Variants in LRBA observed in about 807,000 individuals in gnomAD.
LRBA encodes the protein LPS responsive beige-like anchor protein.
A neutral mutation model predicts 330.0 loss-of-function variants in LRBA; 176 were observed. The observed-to-expected ratio is 0.53, with a 90% CI of 0.47 to 0.60. The LOEUF is 0.60. Ranked by LOEUF, LRBA falls within the 20% of genes least tolerant of loss-of-function variation. The pLI, the probability that LRBA is intolerant of heterozygous loss-of-function variation, is 0.00. For synonymous variants in LRBA, 1,230 were observed against 1,193.0 expected (o/e 1.03, Z -0.64); for missense variants, 3,259 against 3,444.8 (o/e 0.95, Z 1.35).
rs1413966423 is a variant in LRBA at position 150,415,457 on chromosome 4, A to C, written c.7175T>G (p.Phe2392Cys). ...LPPWAKTSEE[F>C]VHINRLALES... is the part of the protein sequence containing the mutation. ...TCTTACCAATCTGTTTATGTGAACAAATTCTTCTGAGGTTTTGGCCCAAGG... is the reference window on the plus strand; with the variant it reads ...TCTTACCAATCTGTTTATGTGAACACATTCTTCTGAGGTTTTGGCCCAAGG... Residue 2392 changes from phenylalanine to cysteine, a missense_variant, in exon 47 of 57, where the codon TTT becomes TGT. By Grantham distance (205) the Phe-to-Cys change is radical. Transcript: ENST00000651943. 2 of 1,613,436 alleles carry C rather than the reference A, an allele frequency of 1.2e-6. No homozygotes were observed. Among genetic ancestry groups the C allele is most frequent in the Non-Finnish European group, 1.7e-6 (2 of 1,179,728 alleles).
At chr4:150,724,139 T>C (rs1388648526) in intron 36 of LRBA, among the ~76,000 whole-genome samples, 1 of 152,142 alleles carries the variant, frequency 6.6e-6, no homozygotes, top group Admixed American at 6.6e-5. Context: ...CTCACGGCCC[T>C]GAAGGGAAGA....
chr4:150,731,920 G>A (rs928586541), intron 36 of LRBA, among the ~76,000 whole-genome samples: 5 of 152,100 alleles, frequency 3.3e-5, no homozygotes, highest in Admixed American at 1.3e-4. Context: ...TGATTATTAT[G>A]CACTGCATTC....
intron 37 of LRBA, among the ~76,000 whole-genome samples, chr4:150,606,301 T>C (rs1340840083): frequency 1.3e-5 from 2 of 152,054 alleles, no homozygotes; most frequent in African/African-American, 4.8e-5. Context: ...AAAAGACATC[T>C]AGGAAAAAAA....
At chr4:150,391,430 G>A (rs1233233610) in intron 47 of LRBA, among the ~76,000 whole-genome samples, 1 of 152,192 alleles carries the variant, frequency 6.6e-6, no homozygotes, top group Non-Finnish European at 1.5e-5. Context: ...GAGAAACAGA[G>A]TATGTGGGCA....
chr4:150,323,031 G>GCATT (rs1732762073), intron 49 of LRBA, among the ~76,000 whole-genome samples: 1 of 151,694 alleles, frequency 6.6e-6, no homozygotes, highest in South Asian at 2.1e-4. Context: ...GTGTGGGGAT[G>GCATT]CATTGATGGT....
chr4:150,900,124 T>C lies in LRBA; in HGVS notation c.1849A>G (p.Ile617Val). Reference protein sequence around the residue: ...TIRRVGTVLLIMHTLKYYYWA... With the variant: ...TIRRVGTVLLVMHTLKYYYWA... ...TAGTAGTACTTCAGCGTGTGCATGA[T>C]GAGAAGCACTGTTCCAACTCTCCGA... Residue 617 changes from isoleucine (I) to valine (V), a missense_variant, in exon 14 of 57, where the codon ATC becomes GTC. Coordinates refer to ENST00000651943, the MANE Select transcript of LRBA (RefSeq NM_001364905.1). The C allele has an allele frequency of 6.2e-7, 1 of 1,612,832 alleles. No homozygotes were observed. Among genetic ancestry groups the C allele is most frequent in the South Asian group, 1.1e-5 (1 of 91,054 alleles).
intron 37 of LRBA, among the ~76,000 whole-genome samples, chr4:150,672,073 T>A (rs185353694): frequency 1.7e-3 from 264 of 152,308 alleles, no homozygotes; most frequent in Admixed American, 2.9e-3. Flanking sequence ...ATTTTGTTAG[T>A]CAAAAGCAAT....
chr4:151,008,958 AG>A (rs1744447333), intron 2 of LRBA, among the ~76,000 whole-genome samples: 6 of 106,036 alleles, frequency 5.7e-5, no homozygotes, highest in Admixed American at 1.1e-4. Context: ...TGGCAGAGTG[AG>A]ACTCCATCTC....
intron 14 of LRBA, among the ~76,000 whole-genome samples, chr4:150,898,739 A>T (rs919524657): frequency 6.6e-6 from 1 of 152,240 alleles, no homozygotes; most frequent in Middle Eastern, 3.4e-3. Flanking sequence ...GTCACTAATC[A>T]GTTATAAAAG....
At chr4:150,839,598 G>A (rs936943694) in intron 28 of LRBA, among the ~76,000 whole-genome samples, 37 of 152,182 alleles carry the variant, frequency 2.4e-4, no homozygotes, top group Admixed American at 1.0e-3. Flanking sequence ...GGACATGGAT[G>A]AAGCTGGAAA....
rs562938295 is a variant in LRBA at position 150,975,533 on chromosome 4, C to CA, written c.216+38893dup. Among the ~76,000 whole-genome samples, 719 of 77,852 alleles carry CA rather than the reference C, an allele frequency of 9.2e-3. 7 individuals are homozygous for CA. Among genetic ancestry groups the CA allele is most frequent in the Admixed American group, 0.062 (413 of 6,658 alleles). 51.1% of individuals were successfully genotyped at this position (77,852 alleles called of 152,430 possible). A position where few individuals can be genotyped will look rare whatever the true frequency, so the allele number is the denominator to read the frequency against. On this transcript the variant is annotated intron_variant, in intron 2 of 56. Coordinates refer to ENST00000651943, the MANE Select transcript of LRBA (RefSeq NM_001364905.1). ...AGAGTGAGACTGTGAGACTCTATCT[C>CA]AAAAAAAAAAAAAAGAAAGAAAGAA...
intron 47 of LRBA, among the ~76,000 whole-genome samples, chr4:150,412,539 C>T (rs765371687): frequency 1.3e-5 from 2 of 152,192 alleles, no homozygotes; most frequent in Non-Finnish European, 2.9e-5. Context: ...GTCAAGAGAG[C>T]GGCTTGCCTT....
chr4:150,305,709 A>G (rs1730276549), intron 52 of LRBA, among the ~76,000 whole-genome samples: 1 of 152,230 alleles, frequency 6.6e-6, no homozygotes, highest in African/African-American at 2.4e-5. Context: ...GTTACATCTA[A>G]AGGGTTTTAT....
At chr4:150,867,612 A>G in intron 22 of LRBA, 59 bp downstream of exon 22, 3 of 1,378,798 alleles carry the variant, frequency 2.2e-6, no homozygotes, top group South Asian at 1.6e-5. Flanking sequence ...TTAAATGACT[A>G]AAATTCAAAA....
At chr4:150,515,838 G>A (rs1319474473) in intron 40 of LRBA, among the ~76,000 whole-genome samples, 7 of 151,860 alleles carry the variant, frequency 4.6e-5, no homozygotes, top group Non-Finnish European at 1.0e-4. Flanking sequence ...ACACACTTAG[G>A]AATAATTTTA....
intron 39 of LRBA, 53 bp downstream of exon 39, chr4:150,590,660 T>A (rs1210055143): frequency 6.5e-7 from 1 of 1,537,704 alleles, no homozygotes; most frequent in Non-Finnish European, 8.9e-7. Context: ...TAAGTAATTA[T>A]ATGCTTATTG....
intron 2 of LRBA, among the ~76,000 whole-genome samples, chr4:150,982,527 A>G (rs1740958691): frequency 6.6e-6 from 1 of 152,022 alleles, no homozygotes; most frequent in Non-Finnish European, 1.5e-5. Flanking sequence ...AACTGTCAGT[A>G]AACTCCCTGT....
chr4:150,822,432 G>C (rs1745574430), intron 30 of LRBA, among the ~76,000 whole-genome samples: 1 of 152,046 alleles, frequency 6.6e-6, no homozygotes, highest in African/African-American at 2.4e-5. Context: ...ACATATTTCT[G>C]GGTACTCAAT....
At chr4:150,808,446 T>C (rs954683965) in intron 31 of LRBA, 48 bp from the exon 32 acceptor site, 1 of 1,042,066 alleles carries the variant, frequency 9.6e-7, no homozygotes, top group Non-Finnish European at 1.5e-6. Flanking sequence ...CTTTTAGATA[T>C]GAAGATTTAA....
Sources: allele counts gnomAD v4.1 joint callset (sites outside exome capture counted in the v4.1 genomes callset), GRCh38; gene constraint gnomAD v4.1.1; transcripts MANE v1.5; gene names NCBI Gene and HGNC (gene_info 2026-07-23, HGNC 2026-07-21).